The following PLXNA4 variants were observed in gnomAD, a reference collection of about 807,000 sequenced individuals.
PLXNA4 encodes the protein plexin A4.
A neutral mutation model predicts 191.8 loss-of-function variants in PLXNA4; 44 were observed. That is an observed-to-expected ratio of 0.23 (90% confidence interval 0.18 to 0.29). The LOEUF (loss-of-function observed/expected upper bound fraction) is 0.29, where lower values mean the gene tolerates loss of function less well. PLXNA4 is among the 10% of genes least tolerant of loss of function. The pLI is 1.00. For synonymous variants in PLXNA4, 1,082 were observed against 1,009.5 expected, an observed-to-expected ratio of 1.07 and a Z score of -1.36; for missense variants, 1,800 against 2,488.8, an observed-to-expected ratio of 0.72 and a Z score of 5.89.
At position 132,202,844 on chromosome 7, in the gene PLXNA4, G is replaced by A; in HGVS notation, c.2396-8C>T. ...CACACTTGTAGAGGTGAACTGCAGA[G>A]GGGAAGGGCAAGGACAAGGGGTGCT... On this transcript the variant is annotated splice_polypyrimidine_tract_variant and splice_region_variant and intron_variant, in intron 11 of 31. Transcript: ENST00000321063. 6.4e-7 allele frequency: 1 copy of A among 1,557,144 alleles called. No homozygotes were observed. Among genetic ancestry groups the A allele is most frequent in the African/African-American group, 1.4e-5 (1 of 73,742 alleles).
At chr7:132,160,214 C>A (rs1795907793) in intron 24 of PLXNA4, among the ~76,000 whole-genome samples, 1 of 152,124 alleles carries the variant, frequency 6.6e-6, no homozygotes, top group African/African-American at 2.4e-5. Flanking sequence ...TAGAGGTTGG[C>A]AAATCTATAA....
At chr7:132,215,767 G>T (rs1401127877) in intron 9 of PLXNA4, among the ~76,000 whole-genome samples, 3 of 152,206 alleles carry the variant, frequency 2.0e-5, no homozygotes, top group Non-Finnish European at 4.4e-5. Context: ...GAGCTTCCCT[G>T]GTGGTGAACA....
chr7:132,489,197 C>T, intron 3 of PLXNA4, 95 bp downstream of exon 3: 1 of 1,340,354 alleles, frequency 7.5e-7, no homozygotes, highest in South Asian at 1.5e-5. Flanking sequence ...CACCTGCCCA[C>T]ACGCCCAAGT....
At position 132,323,383 on chromosome 7, in the gene PLXNA4, T is replaced by C. The variant is rs1802251732; in HGVS notation, c.1372-25161A>G. Among the ~76,000 whole-genome samples, 4 of 152,230 alleles carry C rather than the reference T, an allele frequency of 2.6e-5. No homozygotes were observed. The South Asian group carries it at 8.3e-4, about 31-fold the overall frequency. ...TACAAAGTAGAGTGTACTTGCATCA[T>C]CTCATCTAATCCTTCGAGTGATCTG... is the stretch of plus-strand genomic sequence containing the variant. On this transcript the variant is annotated intron_variant, in intron 3 of 31. Transcript: ENST00000321063.
chr7:132,564,837 T>C (rs1171940424), intron 1 of PLXNA4, among the ~76,000 whole-genome samples: 1 of 152,174 alleles, frequency 6.6e-6, no homozygotes, highest in East Asian at 1.9e-4. Context: ...ACTACCAGGA[T>C]GGAGATCCCC....
In PLXNA4 at chr7:132,384,050, G is replaced by A. The variant is rs978706846; in HGVS notation, c.1372-85828C>T. On this transcript the variant is annotated intron_variant, in intron 3 of 31. Transcript: ENST00000321063. ...AATATGGACAGTGAGACACAGAGGGGTTGCCTGCTCTCACTAAATCTCCAG... is the reference window on the plus strand; with the variant it reads ...AATATGGACAGTGAGACACAGAGGGATTGCCTGCTCTCACTAAATCTCCAG... The A allele has an allele frequency of 3.0e-6, 3 of 985,438 alleles. No homozygotes were observed. In the South Asian group the frequency reaches 1.4e-4, roughly 46 times the overall value. 61.0% of individuals were successfully genotyped at this position (985,438 alleles called of 1,614,324 possible). A position where few individuals can be genotyped will look rare whatever the true frequency, so the allele number is the denominator to read the frequency against.
At chr7:132,245,273 AT>A (rs1226846547) in intron 4 of PLXNA4, among the ~76,000 whole-genome samples, 5 of 152,158 alleles carry the variant, frequency 3.3e-5, no homozygotes, top group African/African-American at 4.8e-5. Flanking sequence ...ATAATGATAG[AT>A]TGTCTCAGAG....
At chr7:132,389,760 T>G (rs1215149486) in intron 3 of PLXNA4, among the ~76,000 whole-genome samples, 1 of 152,250 alleles carries the variant, frequency 6.6e-6, no homozygotes, top group Non-Finnish European at 1.5e-5. Context: ...GGCTCTTTTT[T>G]GATTCCATAA....
At chr7:132,143,736 C>A (rs1795337327) in intron 29 of PLXNA4, among the ~76,000 whole-genome samples, 1 of 152,178 alleles carries the variant, frequency 6.6e-6, no homozygotes, top group Non-Finnish European at 1.5e-5. Context: ...TCAGACCCAG[C>A]ACAGCTTTAA....
chr7:132,345,811 C>A (rs1335803157), intron 3 of PLXNA4, among the ~76,000 whole-genome samples: 1 of 152,218 alleles, frequency 6.6e-6, no homozygotes, highest in Non-Finnish European at 1.5e-5. Flanking sequence ...TAAAGACACA[C>A]ATTTTCTCTT....
At chr7:132,145,509 G>A in intron 28 of PLXNA4, 2 of 598,170 alleles carry the variant, frequency 3.3e-6, no homozygotes, top group Non-Finnish European at 5.6e-6. Context: ...TAACACTGAT[G>A]ACTGGACCTA....
At chr7:132,435,651 G>A (rs1345376123) in intron 3 of PLXNA4, among the ~76,000 whole-genome samples, 3 of 152,164 alleles carry the variant, frequency 2.0e-5, no homozygotes, top group Admixed American at 6.5e-5. Flanking sequence ...TGTTTGCTGG[G>A]GCCACCTGTG....
chr7:132,508,531 C>T lies in PLXNA4; in HGVS notation c.163G>A (p.Val55Met). 2 of 1,614,226 alleles carry T rather than the reference C, an allele frequency of 1.2e-6. No individual in the cohort carries two copies. Among genetic ancestry groups the T allele is most frequent in the Non-Finnish European group, 1.7e-6 (2 of 1,180,050 alleles). Residue 55 changes from valine (V) to methionine (M), a missense_variant, in exon 2 of 32, where the codon GTG (valine) becomes ATG (methionine). Transcript: ENST00000321063. This position sits in a 1 kb window ranked among gnomAD's most constrained non-coding sequence, Gnocchi z 4.4. ...GEPAEGFNHL[V>M]VDERTGHIYL... ...ATGTGTCCTGTCCTCTCATCCACCA[C>T]CAGGTGATTGAAACCCTCGGCGGGC...
At position 132,372,070 on chromosome 7, in the gene PLXNA4, C is replaced by T. The variant is rs74316262; in HGVS notation, c.1372-73848G>A. On this transcript the variant is annotated intron_variant, in intron 3 of 31. Transcript: ENST00000321063. ...GCCTGGCTTATCTCCTATCAGTCAA[C>T]GCATCACCCACACTCCCACCAGCTG... is the stretch of plus-strand genomic sequence containing the variant. Among the ~76,000 whole-genome samples the T allele has an allele frequency of 8.9e-3, 1,351 of 152,290 alleles. 32 individuals carry two copies. Among genetic ancestry groups the T allele is most frequent in the African/African-American group, 0.03 (1,242 of 41,566 alleles).
At position 132,217,197 on chromosome 7, in the gene PLXNA4, C is replaced by T. The variant is rs142632197; in HGVS notation, c.2098-6054G>A. The stretch of plus-strand genomic sequence containing the variant: ...AAATCGCACTGCTAATTGCAGAGGG[C>T]AGGAACACGAAGCCAAAGTATAAAA... On this transcript the variant is annotated intron_variant, in intron 9 of 31. Transcript: ENST00000321063. 3.9e-4 allele frequency among the ~76,000 whole-genome samples: 60 copies of T among 152,356 alleles called. No individual in the cohort carries two copies. In the East Asian group the frequency reaches 0.012, roughly 29 times the overall value.
At chr7:132,495,053 C>A (rs753668261) in intron 2 of PLXNA4, among the ~76,000 whole-genome samples, 2 of 152,198 alleles carry the variant, frequency 1.3e-5, no homozygotes, top group African/African-American at 2.4e-5. Flanking sequence ...CCAACTATCA[C>A]CCACTCTGAC....
At chr7:132,400,082 C>T (rs10249839) in intron 3 of PLXNA4, among the ~76,000 whole-genome samples, 55 of 152,114 alleles carry the variant, frequency 3.6e-4, no homozygotes, top group African/African-American at 1.2e-3. Context: ...CTCCTACCCC[C>T]GGAGAAAAAA....
intron 1 of PLXNA4, among the ~76,000 whole-genome samples, chr7:132,557,186 C>T (rs1800837640): frequency 6.6e-6 from 1 of 152,214 alleles, no homozygotes. Context: ...TGGTGACCTG[C>T]ACCTGTGATC....
intron 3 of PLXNA4, 152 bp downstream of exon 3, chr7:132,489,140 T>A (rs1797678192): frequency 2.6e-6 from 2 of 761,404 alleles, no homozygotes; most frequent in South Asian, 2.4e-5. Flanking sequence ...GACAAGATGA[T>A]CATCATGACC....
Sources: gnomAD v4.1 joint callset for allele counts (sites outside exome capture counted in the v4.1 genomes callset) on GRCh38, gnomAD v4.1.1 for gene constraint, Gnocchi (gnomAD v3.1) non-coding constraint, MANE v1.5 for transcripts, NCBI Gene and HGNC (gene_info 2026-07-23, HGNC 2026-07-21) for gene names.